Variants in KHDRBS2 observed in about 807,000 individuals in gnomAD.
KHDRBS2 encodes KH RNA binding domain containing, signal transduction associated 2, also known as KH domain-containing, RNA-binding, signal transduction-associated protein 2.
A neutral mutation model predicts 44.3 loss-of-function variants in KHDRBS2; 26 were observed. That is an observed-to-expected ratio of 0.59 (90% confidence interval 0.43 to 0.81). The LOEUF is 0.81. Among genes scored for constraint, KHDRBS2 ranks in the 40% least tolerant of loss-of-function variants. The pLI, the probability that KHDRBS2 is intolerant of heterozygous loss-of-function variation, is 0.00. For missense variants in KHDRBS2, 476 were observed against 433.1 expected, an observed-to-expected ratio of 1.10 and a Z score of -0.88; for synonymous variants, 194 against 151.1, an observed-to-expected ratio of 1.28 and a Z score of -2.08.
intron 6 of KHDRBS2, among the ~76,000 whole-genome samples, chr6:61,759,135 G>A (rs894550258): frequency 5.3e-5 from 8 of 152,068 alleles, no homozygotes; most frequent in African/African-American, 1.7e-4. Context: ...ATGGAAAAAA[G>A]CATAAATGAA....
At chr6:61,550,417 A>G in the KHDRBS2 span, among the ~76,000 whole-genome samples, 8 of 152,118 alleles carry the variant, frequency 5.3e-5, no homozygotes, top group African/African-American at 1.9e-4. Context: ...TATGTACCAC[A>G]TTTGCTTTAT....
intron 6 of KHDRBS2, among the ~76,000 whole-genome samples, chr6:61,870,779 G>A (rs1798547390): frequency 6.8e-6 from 1 of 146,670 alleles, no homozygotes; most frequent in Non-Finnish European, 1.5e-5. Flanking sequence ...GTGCAGCAGA[G>A]GGGCCTGACT....
chr6:61,854,661 G>C (rs1490325587), intron 6 of KHDRBS2, among the ~76,000 whole-genome samples: 1 of 151,970 alleles, frequency 6.6e-6, no homozygotes. Flanking sequence ...AGAACTTCAG[G>C]CCTAAGATGA....
chr6:62,058,130 T>C (rs1466694735), intron 2 of KHDRBS2, among the ~76,000 whole-genome samples: 1 of 151,860 alleles, frequency 6.6e-6, no homozygotes, highest in Non-Finnish European at 1.5e-5. Context: ...TTCCATCAAG[T>C]CTGTCCTTTC....
the KHDRBS2 span, among the ~76,000 whole-genome samples, chr6:61,556,338 A>T: frequency 2.0e-5 from 3 of 152,198 alleles, no homozygotes; most frequent in Non-Finnish European, 4.4e-5. Flanking sequence ...TGCTAGAAAA[A>T]TCACATTTTT....
chr6:61,768,959 A>C (rs1780412447), intron 6 of KHDRBS2, among the ~76,000 whole-genome samples: 1 of 152,088 alleles, frequency 6.6e-6, no homozygotes. Flanking sequence ...GTATATCTGT[A>C]TCATTTTCCT....
At chr6:61,864,690 T>A (rs1243105471) in intron 6 of KHDRBS2, among the ~76,000 whole-genome samples, 1 of 152,152 alleles carries the variant, frequency 6.6e-6, no homozygotes, top group Non-Finnish European at 1.5e-5. Flanking sequence ...TGGCTGCCCT[T>A]AACATTTTTT....
chr6:61,922,274 A>G (rs1435709621), intron 4 of KHDRBS2, among the ~76,000 whole-genome samples: 8 of 152,046 alleles, frequency 5.3e-5, no homozygotes, highest in Non-Finnish European at 1.0e-4. Context: ...TGATCCCTGA[A>G]GTATGGGGAA....
At chr6:61,890,651 G>C (rs1200467799) in intron 6 of KHDRBS2, among the ~76,000 whole-genome samples, 1 of 152,174 alleles carries the variant, frequency 6.6e-6, no homozygotes, top group Non-Finnish European at 1.5e-5. Flanking sequence ...AGATTGTTGA[G>C]CTACACAGTT....
At chr6:61,954,997 G>T (rs370364067) in intron 4 of KHDRBS2, among the ~76,000 whole-genome samples, 2 of 79,760 alleles carry the variant, frequency 2.5e-5, no homozygotes, top group Non-Finnish European at 4.9e-5. Context: ...TACATATATA[G>T]ACATACATAT....
chr6:62,126,963 C>A (rs752447303), intron 2 of KHDRBS2, among the ~76,000 whole-genome samples: 1 of 152,068 alleles, frequency 6.6e-6, no homozygotes. Context: ...CTATCTTTTC[C>A]GTGTATCAAA....
intron 4 of KHDRBS2, among the ~76,000 whole-genome samples, chr6:61,930,420 C>A (rs1761743): frequency 6.7e-6 from 1 of 149,902 alleles, no homozygotes; most frequent in South Asian, 2.1e-4. Context: ...ATTGGCAATT[C>A]TTATATGAAA....
intron 1 of KHDRBS2, among the ~76,000 whole-genome samples, chr6:62,269,763 A>G (rs1347140876): frequency 6.6e-6 from 1 of 152,128 alleles, no homozygotes; most frequent in African/African-American, 2.4e-5. Flanking sequence ...CATGTCTATA[A>G]AAATCCTGTA....
chr6:62,107,194 C>T (rs902137133), intron 2 of KHDRBS2, among the ~76,000 whole-genome samples: 10 of 151,930 alleles, frequency 6.6e-5, no homozygotes, highest in African/African-American at 2.4e-4. Flanking sequence ...CTAGAAAACC[C>T]CATTGTCTCA....
rs531921918 is a variant in KHDRBS2 at position 62,107,098 on chromosome 6, T to G, written c.220-59104A>C. Among the ~76,000 whole-genome samples the G allele has an allele frequency of 1.8e-3, 273 of 151,734 alleles. 3 individuals carry two copies. The highest frequency in any genetic ancestry group is 7.7e-4 in the Non-Finnish European group (52 of 67,768). ...GTGTTGGAAGTTCTGGCCAGGGCAA[T>G]TAGGCAGGAGAAGGAAATAAAGGGT... On this transcript the variant is annotated intron_variant, in intron 2 of 8. Coordinates refer to ENST00000281156, the MANE Select transcript of KHDRBS2 (RefSeq NM_152688.4).
the KHDRBS2 span, among the ~76,000 whole-genome samples, chr6:61,588,560 G>A: frequency 6.6e-6 from 1 of 152,088 alleles, no homozygotes; most frequent in Non-Finnish European, 1.5e-5. Flanking sequence ...AGGTGGGAGG[G>A]TTGTTTGAGA....
At chr6:61,556,872 A>ATTT in the KHDRBS2 span, among the ~76,000 whole-genome samples, 18 of 87,494 alleles carry the variant, frequency 2.1e-4, 1 homozygote, top group African/African-American at 5.0e-4. Context: ...TGAAATTGAG[A>ATTT]TTTTTTTTTT....
intron 1 of KHDRBS2, among the ~76,000 whole-genome samples, chr6:62,268,322 T>C (rs946425771): frequency 1.3e-5 from 2 of 152,068 alleles, no homozygotes; most frequent in Non-Finnish European, 2.9e-5. Context: ...AGTGTTGACA[T>C]GATGAGTACA....
chr6:61,794,314 T>G (rs1323474832), intron 6 of KHDRBS2, among the ~76,000 whole-genome samples: 1 of 152,138 alleles, frequency 6.6e-6, no homozygotes, highest in African/African-American at 2.4e-5. Flanking sequence ...GTGTAAGACA[T>G]CACCATAGGT....
Sources: gnomAD v4.1 joint callset for allele counts (sites outside exome capture counted in the v4.1 genomes callset) on GRCh38, gnomAD v4.1.1 for gene constraint, MANE v1.5 for transcripts, NCBI Gene and HGNC (gene_info 2026-07-23, HGNC 2026-07-21) for gene names.